Variants in RAD51B observed in about 807,000 individuals in gnomAD.
RAD51B encodes DNA repair protein RAD51 homolog 2.
Under a neutral mutation model 42.2 loss-of-function variants are expected in RAD51B, and 38 were observed. That is an observed-to-expected ratio of 0.90 (90% CI 0.70 to 1.18). The LOEUF (loss-of-function observed/expected upper bound fraction) is 1.18, where lower values mean the gene tolerates loss of function less well. RAD51B is among the 50% of genes most tolerant of loss of function. The pLI is 0.00. For missense variants in RAD51B, 373 were observed against 400.7 expected (o/e 0.93, Z 0.59); for synonymous variants, 154 against 145.2 (o/e 1.06, Z -0.43).
At chr14:67,879,176 C>CAA (rs1195614329) in intron 5 of RAD51B, among the ~76,000 whole-genome samples, 1 of 152,190 alleles carries the variant, frequency 6.6e-6, no homozygotes, top group Non-Finnish European at 1.5e-5. Context: ...AACTCTCAGG[C>CAA]AAGGGCCTAA....
chr14:68,672,404 A>G (rs1440811581), intron 11 of RAD51B, among the ~76,000 whole-genome samples: 1 of 152,222 alleles, frequency 6.6e-6, no homozygotes. Flanking sequence ...AGGCAGAGAC[A>G]AGGGCCTTTC....
At chr14:68,391,581 G>A (rs2083759750) in intron 8 of RAD51B, among the ~76,000 whole-genome samples, 1 of 152,094 alleles carries the variant, frequency 6.6e-6, no homozygotes, top group South Asian at 2.1e-4. Flanking sequence ...AGATGGAATA[G>A]AGCTTACAAC....
At chr14:68,237,042 A>C (rs1197787887) in intron 7 of RAD51B, among the ~76,000 whole-genome samples, 1 of 152,142 alleles carries the variant, frequency 6.6e-6, no homozygotes, top group East Asian at 1.9e-4. Flanking sequence ...GCCTTTATTC[A>C]CCTGCTATTT....
chr14:68,546,929 T>G (rs774026290), intron 10 of RAD51B, among the ~76,000 whole-genome samples: 14 of 152,260 alleles, frequency 9.2e-5, no homozygotes, highest in Non-Finnish European at 1.5e-4. Context: ...AACACCTCTG[T>G]GCAGTTTATC....
intron 11 of RAD51B, among the ~76,000 whole-genome samples, chr14:68,663,899 T>C (rs1168977667): frequency 6.6e-6 from 1 of 152,232 alleles, no homozygotes; most frequent in Non-Finnish European, 1.5e-5. Context: ...CAGGATTTTA[T>C]GTGATTATAT....
chr14:68,154,034 T>G (rs2078447661), intron 7 of RAD51B, among the ~76,000 whole-genome samples: 1 of 152,262 alleles, frequency 6.6e-6, no homozygotes, highest in African/African-American at 2.4e-5. Context: ...CCTTGTCTGC[T>G]AACTCTAGTA....
intron 7 of RAD51B, among the ~76,000 whole-genome samples, chr14:67,956,745 A>G (rs1447048629): frequency 6.6e-6 from 1 of 152,214 alleles, no homozygotes; most frequent in African/African-American, 2.4e-5. Context: ...CAATATGTTA[A>G]CCACTAACTG....
chr14:68,656,137 T>C (rs564827153), intron 11 of RAD51B, among the ~76,000 whole-genome samples: 6 of 152,278 alleles, frequency 3.9e-5, no homozygotes, highest in African/African-American at 1.2e-4. Context: ...CAGCACCATG[T>C]ACAAGGGGCT....
chr14:68,484,043 A>C (rs1883410501), intron 10 of RAD51B, among the ~76,000 whole-genome samples: 1 of 152,204 alleles, frequency 6.6e-6, no homozygotes, highest in Non-Finnish European at 1.5e-5. Flanking sequence ...CTTAACAGGG[A>C]TTTAACTTTC....
intron 10 of RAD51B, among the ~76,000 whole-genome samples, chr14:68,586,334 C>T (rs1237322207): frequency 6.6e-6 from 1 of 152,178 alleles, no homozygotes; most frequent in Non-Finnish European, 1.5e-5. Context: ...CCTGACCTAA[C>T]CTTTCCCCTC....
chr14:68,197,023 G>A (rs2079386825), intron 7 of RAD51B, among the ~76,000 whole-genome samples: 1 of 152,046 alleles, frequency 6.6e-6, no homozygotes, highest in Non-Finnish European at 1.5e-5. Flanking sequence ...CTGGAGGGAA[G>A]TTTTCCTTAT....
chr14:68,527,188 G>A (rs1443054392), intron 10 of RAD51B, among the ~76,000 whole-genome samples: 1 of 152,210 alleles, frequency 6.6e-6, no homozygotes, highest in Non-Finnish European at 1.5e-5. Flanking sequence ...GTATTGTTGG[G>A]ACTGAAAACA....
At chr14:68,629,380 A>G (rs1486419313) in intron 10 of RAD51B, among the ~76,000 whole-genome samples, 1 of 151,780 alleles carries the variant, frequency 6.6e-6, no homozygotes, top group Non-Finnish European at 1.5e-5. Context: ...TCTCTTTCCC[A>G]TTTTCTTCTT....
intron 10 of RAD51B, among the ~76,000 whole-genome samples, chr14:68,509,682 C>A (rs1404069729): frequency 6.6e-6 from 1 of 152,230 alleles, no homozygotes; most frequent in South Asian, 2.1e-4. Flanking sequence ...TAGGATAGTT[C>A]TCTAGCTCAG....
chr14:68,387,277 G>C (rs1436617550), intron 8 of RAD51B: 1 of 152,190 alleles, frequency 6.6e-6, no homozygotes, highest in Non-Finnish European at 1.5e-5. Flanking sequence ...TGTAGCGCCT[G>C]CATCTTATTA....
intron 11 of RAD51B, chr14:68,682,849 T>G (rs1893461775): frequency 1.3e-6 from 1 of 785,466 alleles, no homozygotes; most frequent in South Asian, 5.8e-5. Context: ...TCTGAAGGAT[T>G]TATTGCCTTT....
intron 4 of RAD51B, among the ~76,000 whole-genome samples, chr14:67,835,699 A>T (rs533112214): frequency 7.8e-4 from 118 of 151,094 alleles, no homozygotes; most frequent in Non-Finnish European, 1.4e-3. Flanking sequence ...AAAAAAAAAT[A>T]AAAAAAACCC....
chr14:68,113,846 A>G (rs2077498171), intron 7 of RAD51B: 1 of 152,078 alleles, frequency 6.6e-6, no homozygotes, highest in Non-Finnish European at 1.5e-5. Flanking sequence ...GTTAGTTCAC[A>G]TATAGGTTTC....
rs116619801 is a variant in RAD51B at position 68,403,490 on chromosome 14, C to G, written c.854-7934C>G. Among the ~76,000 whole-genome samples, 1,379 of 152,262 alleles carry G rather than the reference C, an allele frequency of 9.1e-3. 23 individuals are homozygous for G. Among genetic ancestry groups the G allele is most frequent in the African/African-American group, 0.031 (1,302 of 41,542 alleles). On this transcript the variant is annotated intron_variant, in intron 8 of 10. Coordinates refer to ENST00000471583, the MANE Select transcript of RAD51B (RefSeq NM_133510.4). ...AGCTTTCTCATTAAGAGCTTTCCAA[C>G]AGGCCTCTTCTAAATACTGACACGG...
Sources: allele counts gnomAD v4.1 joint callset (sites outside exome capture counted in the v4.1 genomes callset), GRCh38; gene constraint gnomAD v4.1.1; transcripts MANE v1.5; gene names NCBI Gene and HGNC (gene_info 2026-07-23, HGNC 2026-07-21).